Variants in SUCO observed in about 807,000 individuals in gnomAD.
SUCO encodes SUN domain-containing ossification factor.
In SUCO, 57 loss-of-function variants were observed where a neutral mutation model predicts 148.1. The ratio of observed to expected loss-of-function variants is 0.38; its 90% CI spans 0.31 to 0.48. The LOEUF (loss-of-function observed/expected upper bound fraction) is 0.48. Among genes scored for constraint, SUCO ranks in the 20% least tolerant of loss-of-function variants. The pLI, the probability that SUCO is intolerant of heterozygous loss-of-function variation, is 0.96. For synonymous variants in SUCO, 470 were observed against 502.7 expected (o/e 0.93, Z 0.87); for missense variants, 1,331 against 1,468.2 (o/e 0.91, Z 1.53).
intron 20 of SUCO, 66 bp downstream of exon 20, chr1:172,600,234 G>A (rs1657411787): frequency 8.7e-7 from 1 of 1,148,474 alleles, no homozygotes; most frequent in Non-Finnish European, 1.2e-6. Flanking sequence ...AGCCAGGCTT[G>A]TTAACATGAA....
intron 4 of SUCO, chr1:172,556,993 G>C: frequency 1.0e-6 from 1 of 979,774 alleles, no homozygotes; most frequent in Non-Finnish European, 1.2e-6. Context: ...AATGCTGGTA[G>C]AATTAGTATA....
chr1:172,553,504 A>T (rs1653470635), intron 3 of SUCO, 134 bp downstream of exon 3: 3 of 468,158 alleles, frequency 6.4e-6, no homozygotes, highest in East Asian at 6.7e-5. Context: ...TGGACTTAAG[A>T]TTACTTACCT....
chr1:172,563,573 C>G (rs1654335050), intron 6 of SUCO, among the ~76,000 whole-genome samples: 1 of 152,164 alleles, frequency 6.6e-6, no homozygotes, highest in Non-Finnish European at 1.5e-5. Context: ...AAGATGTGGC[C>G]TGGCTACTTC....
At chr1:172,532,945 C>G, upstream of SUCO, 1 of 1,364,562 alleles carries the variant, frequency 7.3e-7, no homozygotes, top group Non-Finnish European at 9.7e-7. Context: ...TCCGGCTTCT[C>G]CGCCTGCGAC....
At chr1:172,556,925 A>G in intron 4 of SUCO, 1 of 975,834 alleles carries the variant, frequency 1.0e-6, no homozygotes, top group Middle Eastern at 5.3e-4. Context: ...ACACCTTAAA[A>G]TTTTAGTGAA....
intron 19 of SUCO, among the ~76,000 whole-genome samples, chr1:172,593,586 T>C (rs1173536483): frequency 6.6e-6 from 1 of 152,228 alleles, no homozygotes; most frequent in Non-Finnish European, 1.5e-5. Context: ...TTTATTGATT[T>C]CCATGTGTTG....
intron 22 of SUCO, among the ~76,000 whole-genome samples, chr1:172,604,352 G>C (rs566200907): frequency 6.6e-6 from 1 of 151,990 alleles, no homozygotes; most frequent in African/African-American, 2.4e-5. Flanking sequence ...GAGTAGGTAG[G>C]AGACTGACTT....
intron 11 of SUCO, 62 bp downstream of exon 11, chr1:172,575,685 A>C: frequency 9.2e-7 from 1 of 1,087,122 alleles, no homozygotes; most frequent in Non-Finnish European, 1.4e-6. Context: ...TTCACACTTT[A>C]TACACCTCAT....
intron 19 of SUCO, 131 bp from the exon 20 acceptor site, chr1:172,599,933 C>T: frequency 1.6e-6 from 1 of 618,986 alleles, no homozygotes; most frequent in Non-Finnish European, 2.7e-6. Context: ...AGTTTACTTA[C>T]TCATTGAGAT....
Position 172,606,226 on chromosome 1 carries a change from G to T in SUCO, c.3266-2521G>T, listed in dbSNP as rs73034067. ...TGGCATGTAATATTTTCTCATGTTG[G>T]ATTTTGGTATGTAAGGTTTATAAAA... On this transcript the variant is annotated intron_variant, in intron 22 of 23. Coordinates refer to ENST00000263688, the MANE Select transcript of SUCO (RefSeq NM_014283.5). 1.6e-3 allele frequency among the ~76,000 whole-genome samples: 236 copies of T among 151,264 alleles called. 1 individual carries two copies. The highest frequency in any genetic ancestry group is 5.4e-3 in the African/African-American group (225 of 41,426).
chr1:172,556,902 C>A (rs1013089451), intron 4 of SUCO: 1 of 944,432 alleles, frequency 1.1e-6, no homozygotes, highest in Non-Finnish European at 1.3e-6. Flanking sequence ...ATTTTAAAAA[C>A]GAAATTCTAA....
chr1:172,553,242 G>T lies in SUCO; in HGVS notation c.178-18G>T. ...AAAACAGTTTTATCAGGTGATTTTT[G>T]TTGTTGTTGTTATATAGGATGAAAG... On this transcript the variant is annotated intron_variant, in intron 2 of 23. Coordinates refer to ENST00000263688, the MANE Select transcript of SUCO (RefSeq NM_014283.5). 3.3e-6 allele frequency: 5 copies of T among 1,530,534 alleles called. No homozygotes were observed. Among genetic ancestry groups the T allele is most frequent in the Admixed American group, 1.9e-5 (1 of 51,846 alleles). 94.8% of individuals were successfully genotyped at this position (1,530,534 alleles called of 1,614,324 possible). A position where few individuals can be genotyped will look rare whatever the true frequency, so the allele number is the denominator to read the frequency against.
intron 1 of SUCO, chr1:172,542,970 A>G (rs1291911765): frequency 1.0e-6 from 1 of 985,306 alleles, no homozygotes; most frequent in South Asian, 4.7e-5. Context: ...ATAATAGAAG[A>G]TATTTGGAGA....
chr1:172,577,846 G>T, intron 13 of SUCO, 27 bp downstream of exon 13: 1 of 1,558,786 alleles, frequency 6.4e-7, no homozygotes, highest in Non-Finnish European at 8.7e-7. Flanking sequence ...TACATTTATT[G>T]AGTTTTTAAA....
chr1:172,572,176 G>A (rs1655064889), intron 9 of SUCO, among the ~76,000 whole-genome samples: 1 of 142,674 alleles, frequency 7.0e-6, no homozygotes, highest in African/African-American at 2.5e-5. Context: ...CCTCTACCCA[G>A]CCACCACCCC....
chr1:172,580,077 G>A (rs573892406), intron 15 of SUCO, among the ~76,000 whole-genome samples: 2 of 152,222 alleles, frequency 1.3e-5, no homozygotes, highest in South Asian at 2.1e-4. Flanking sequence ...TCAACCAGTA[G>A]TCTAAATACT....
chr1:172,563,434 ACT>A (rs1654325616), intron 6 of SUCO, among the ~76,000 whole-genome samples: 1 of 152,080 alleles, frequency 6.6e-6, no homozygotes, highest in South Asian at 2.1e-4. Flanking sequence ...AGCAGAGGTG[ACT>A]CTTGCTGTGA....
intron 6 of SUCO, among the ~76,000 whole-genome samples, chr1:172,564,312 G>A (rs762048154): frequency 1.1e-4 from 16 of 152,208 alleles, no homozygotes; most frequent in African/African-American, 3.4e-4. Flanking sequence ...AGCTTGCACC[G>A]TGCACCTGGA....
At chr1:172,566,028 C>T (rs768155527) in intron 6 of SUCO, among the ~76,000 whole-genome samples, 4 of 152,186 alleles carry the variant, frequency 2.6e-5, no homozygotes, top group Non-Finnish European at 5.9e-5. Context: ...GGCTCAGCTG[C>T]TGCAGTGGGA....
Sources: allele counts gnomAD v4.1 joint callset (sites outside exome capture counted in the v4.1 genomes callset), GRCh38; gene constraint gnomAD v4.1.1; transcripts MANE v1.5; gene names NCBI Gene and HGNC (gene_info 2026-07-23, HGNC 2026-07-21).